KCNU1: variants seen among roughly 807,000 people sequenced by gnomAD.
KCNU1 encodes potassium channel subfamily U member 1.
Under a neutral mutation model 126.8 loss-of-function variants are expected in KCNU1, and 93 were observed. The observed-to-expected ratio is 0.73, with a 90% CI of 0.62 to 0.87. The LOEUF (loss-of-function observed/expected upper bound fraction) is 0.87, where lower values mean the gene tolerates loss of function less well. Ranked by LOEUF, KCNU1 falls within the 40% of genes least tolerant of loss-of-function variation. KCNU1 has a pLI of 0.00. For synonymous variants in KCNU1, 523 were observed against 494.2 expected, an observed-to-expected ratio of 1.06 and a Z score of -0.77; for missense variants, 1,330 against 1,367.1, an observed-to-expected ratio of 0.97 and a Z score of 0.43.
chr8:36,786,988 G>A (rs1211599887), intron 1 of KCNU1, among the ~76,000 whole-genome samples: 1 of 152,156 alleles, frequency 6.6e-6, no homozygotes, highest in Non-Finnish European at 1.5e-5. Flanking sequence ...CAGAGCAGAA[G>A]GAGGCATGAT....
At chr8:36,786,731 G>T (rs996653880) in intron 1 of KCNU1, among the ~76,000 whole-genome samples, 1 of 152,036 alleles carries the variant, frequency 6.6e-6, no homozygotes, top group Non-Finnish European at 1.5e-5. Flanking sequence ...ATTTAGTCAT[G>T]CCTAACTTTA....
intron 18 of KCNU1, among the ~76,000 whole-genome samples, chr8:36,847,670 A>G (rs935849391): frequency 1.3e-5 from 2 of 152,214 alleles, no homozygotes; most frequent in East Asian, 3.9e-4. Flanking sequence ...ATGACTGCAT[A>G]GTATTTCATT....
chr8:36,926,828 T>C (rs1158899309), intron 24 of KCNU1, among the ~76,000 whole-genome samples: 1 of 152,118 alleles, frequency 6.6e-6, no homozygotes, highest in Non-Finnish European at 1.5e-5. Context: ...CTCTAAACGT[T>C]GGGTTCCTTG....
intron 7 of KCNU1, among the ~76,000 whole-genome samples, chr8:36,811,128 G>A (rs551265186): frequency 6.6e-6 from 1 of 152,114 alleles, no homozygotes; most frequent in Admixed American, 6.5e-5. Flanking sequence ...GGAAAATAAA[G>A]ATACTCAAAT....
intron 2 of KCNU1, among the ~76,000 whole-genome samples, chr8:36,796,164 T>C (rs1020762343): frequency 6.6e-6 from 1 of 152,230 alleles, no homozygotes; most frequent in African/African-American, 2.4e-5. Context: ...TAGAGAAATG[T>C]TGTATGCTTT....
chr8:36,785,664 A>G (rs1486619269), intron 1 of KCNU1, among the ~76,000 whole-genome samples: 1 of 152,176 alleles, frequency 6.6e-6, no homozygotes, highest in Non-Finnish European at 1.5e-5. Flanking sequence ...ATTCTGGGAT[A>G]CTGACATATG....
chr8:36,815,230 C>G (rs1563272221), intron 8 of KCNU1, among the ~76,000 whole-genome samples: 1 of 152,118 alleles, frequency 6.6e-6, no homozygotes, highest in Non-Finnish European at 1.5e-5. Flanking sequence ...ACTTGGGAGG[C>G]TGAGGCAGGA....
At position 36,816,207 on chromosome 8, in the gene KCNU1, G is replaced by A. The variant is rs1008500962; in HGVS notation, c.995+520G>A. 2.8e-4 allele frequency among the ~76,000 whole-genome samples: 43 copies of A among 152,080 alleles called. 1 individual carries two copies. The highest frequency in any genetic ancestry group is 1.3e-4 in the Non-Finnish European group (9 of 68,034). On this transcript the variant is annotated intron_variant, in intron 9 of 26. Transcript: ENST00000399881. ...AAGTTTCTACCCTGTCTTCTATAGCGCCTCCTAGATGACTGATTTTTTTTC... is the reference window on the plus strand; with the variant it reads ...AAGTTTCTACCCTGTCTTCTATAGCACCTCCTAGATGACTGATTTTTTTTC...
chr8:36,894,286 G>T (rs1346146416), intron 19 of KCNU1, among the ~76,000 whole-genome samples: 1 of 152,046 alleles, frequency 6.6e-6, no homozygotes, highest in Non-Finnish European at 1.5e-5. Context: ...TCAATTCATG[G>T]TAAAGCCATG....
chr8:36,917,566 G>T (rs12678457), intron 22 of KCNU1, among the ~76,000 whole-genome samples: 52,040 of 151,168 alleles, frequency 0.34, 9,626 homozygotes, highest in Admixed American at 0.42. Flanking sequence ...ATGTTGCCCA[G>T]GATTGTCCTG....
intron 6 of KCNU1, 72 bp from the exon 7 acceptor site, chr8:36,808,646 C>A: frequency 1.1e-6 from 1 of 913,966 alleles, no homozygotes; most frequent in African/African-American, 1.6e-5. Flanking sequence ...GTAGCAACAT[C>A]TTAGAGGATG....
At chr8:36,895,551 G>A (rs1022206053) in intron 19 of KCNU1, among the ~76,000 whole-genome samples, 3 of 152,098 alleles carry the variant, frequency 2.0e-5, no homozygotes, top group Non-Finnish European at 4.4e-5. Context: ...GAGCTAACAT[G>A]TGAAACTTAT....
intron 24 of KCNU1, among the ~76,000 whole-genome samples, 187 bp from the exon 25 acceptor site, chr8:36,930,764 C>T (rs575377342): frequency 6.6e-6 from 1 of 152,172 alleles, no homozygotes; most frequent in South Asian, 2.1e-4. Context: ...CTGCACTTGG[C>T]CTAACCTGGC....
intron 2 of KCNU1, chr8:36,795,925 AG>A (rs1474017831): frequency 6.6e-6 from 1 of 152,266 alleles, no homozygotes; most frequent in Non-Finnish European, 1.5e-5. Flanking sequence ...AGCCCAGGCT[AG>A]GTCCCACCAT....
chr8:36,831,602 G>A (rs1585428839), intron 10 of KCNU1, among the ~76,000 whole-genome samples: 5 of 147,360 alleles, frequency 3.4e-5, no homozygotes, highest in South Asian at 2.2e-4. Context: ...TTTTTGATGG[G>A]GTTGTTTGTT....
At chr8:36,864,751 G>A (rs1805848064) in intron 19 of KCNU1, among the ~76,000 whole-genome samples, 1 of 152,122 alleles carries the variant, frequency 6.6e-6, no homozygotes, top group Non-Finnish European at 1.5e-5. Context: ...CCAAAAGTTA[G>A]ATACCCAACT....
At chr8:36,934,768 C>T (rs1808803860) in intron 26 of KCNU1, among the ~76,000 whole-genome samples, 1 of 152,026 alleles carries the variant, frequency 6.6e-6, no homozygotes, top group Admixed American at 6.6e-5. Context: ...AGGATGAAAG[C>T]CATACAAGGC....
In KCNU1 at chr8:36,822,912, T is replaced by A. The variant is rs1198183152; in HGVS notation, c.1106+5152T>A. Among the ~76,000 whole-genome samples, 4 of 152,278 alleles carry A rather than the reference T, an allele frequency of 2.6e-5. No homozygotes were observed. The East Asian group carries it at 5.8e-4, about 22-fold the overall frequency. On this transcript the variant is annotated intron_variant, in intron 10 of 26. Transcript: ENST00000399881. ...TCTTATACATTTTGTATATGTACTA[T>A]TTTTTACAATAAAATTTAAAAGGTG...
intron 19 of KCNU1, 30 bp downstream of exon 19, chr8:36,864,551 A>G (rs748629775): frequency 8.9e-6 from 12 of 1,340,844 alleles, no homozygotes; most frequent in South Asian, 4.7e-5. Flanking sequence ...CTGGTCTCCT[A>G]TAGTTTTTTT....
Sources: allele counts gnomAD v4.1 joint callset (sites outside exome capture counted in the v4.1 genomes callset), GRCh38; gene constraint gnomAD v4.1.1; transcripts MANE v1.5; gene names NCBI Gene and HGNC (gene_info 2026-07-23, HGNC 2026-07-21).